The following ZNF385D variants were observed in gnomAD, a reference collection of about 807,000 sequenced individuals.
The protein encoded by ZNF385D is zinc finger protein 659.
A neutral mutation model predicts 35.8 loss-of-function variants in ZNF385D; 15 were observed. The ratio of observed to expected loss-of-function variants is 0.42; its 90% CI spans 0.28 to 0.64. ZNF385D has a LOEUF of 0.64. Ranked by LOEUF, ZNF385D falls within the 30% of genes least tolerant of loss-of-function variation. The pLI is 0.23. For missense variants in ZNF385D, 474 were observed against 494.6 expected (o/e 0.96, Z 0.39); for synonymous variants, 212 against 186.8 (o/e 1.13, Z -1.10).
intron 3 of ZNF385D, among the ~76,000 whole-genome samples, chr3:22,077,796 T>A (rs1700540985): frequency 6.6e-6 from 1 of 152,064 alleles, no homozygotes; most frequent in South Asian, 2.1e-4. Flanking sequence ...AAACAGAATG[T>A]CAGTCTAAAG....
intron 7 of ZNF385D, among the ~76,000 whole-genome samples, chr3:21,422,310 C>T (rs1331649929): frequency 6.6e-6 from 1 of 152,160 alleles, no homozygotes; most frequent in East Asian, 1.9e-4. Context: ...TTCTTCACCT[C>T]CCAATGCAGC....
intron 3 of ZNF385D, among the ~76,000 whole-genome samples, chr3:22,063,799 A>G (rs920149426): frequency 9.2e-5 from 14 of 152,116 alleles, no homozygotes; most frequent in African/African-American, 3.1e-4. Flanking sequence ...ATGTGGAGCT[A>G]TGTGTCCAGA....
chr3:21,822,725 T>C (rs1466764926), intron 3 of ZNF385D, among the ~76,000 whole-genome samples: 3 of 152,074 alleles, frequency 2.0e-5, no homozygotes, highest in Non-Finnish European at 4.4e-5. Context: ...GTGGAATACT[T>C]ATAGATTGGA....
At chr3:21,750,601 G>A (rs1402468608) in intron 1 of ZNF385D, among the ~76,000 whole-genome samples, 2 of 152,002 alleles carry the variant, frequency 1.3e-5, no homozygotes, top group Non-Finnish European at 2.9e-5. Context: ...CCTTCACCTA[G>A]CTAAAAGAGC....
At chr3:22,013,346 G>T (rs1696691040) in intron 3 of ZNF385D, among the ~76,000 whole-genome samples, 1 of 151,988 alleles carries the variant, frequency 6.6e-6, no homozygotes, top group Admixed American at 6.6e-5. Context: ...TTTTCACTTG[G>T]CAAGAATCCC....
At chr3:21,673,792 G>T (rs374918442) in intron 1 of ZNF385D, among the ~76,000 whole-genome samples, 14 of 152,210 alleles carry the variant, frequency 9.2e-5, no homozygotes, top group Admixed American at 2.6e-4. Flanking sequence ...CAGTCATAGG[G>T]CAAAGGAGTG....
chr3:22,107,613 AT>A (rs1193875596), intron 3 of ZNF385D, among the ~76,000 whole-genome samples: 1 of 152,112 alleles, frequency 6.6e-6, no homozygotes, highest in Non-Finnish European at 1.5e-5. Context: ...GAAACAATAT[AT>A]GCTTACTGCA....
At chr3:22,040,838 T>C (rs957989990) in intron 3 of ZNF385D, among the ~76,000 whole-genome samples, 17 of 152,136 alleles carry the variant, frequency 1.1e-4, no homozygotes, top group Non-Finnish European at 2.2e-4. Flanking sequence ...ACAAAGGCAA[T>C]AAATATCATG....
At chr3:22,093,555 G>A (rs891201401) in intron 3 of ZNF385D, among the ~76,000 whole-genome samples, 55 of 151,994 alleles carry the variant, frequency 3.6e-4, no homozygotes, top group African/African-American at 1.3e-3. Context: ...AGAGGTTCGA[G>A]GATTATGTGG....
At chr3:22,160,339 A>G (rs1299858331) in intron 3 of ZNF385D, among the ~76,000 whole-genome samples, 1 of 152,140 alleles carries the variant, frequency 6.6e-6, no homozygotes, top group Non-Finnish European at 1.5e-5. Flanking sequence ...GCAAGTTCTA[A>G]TTTGTCTACT....
intron 2 of ZNF385D, among the ~76,000 whole-genome samples, chr3:22,331,530 A>C (rs1694937127): frequency 6.6e-6 from 1 of 152,162 alleles, no homozygotes; most frequent in Non-Finnish European, 1.5e-5. Context: ...AAAACACTGC[A>C]TTTTTCATTA....
intron 3 of ZNF385D, among the ~76,000 whole-genome samples, chr3:22,097,289 G>C (rs542009598): frequency 1.3e-5 from 2 of 152,050 alleles, no homozygotes; most frequent in African/African-American, 4.8e-5. Context: ...ATACCTGGAG[G>C]TTTGATGCTT....
chr3:21,936,281 C>T (rs995594574), intron 3 of ZNF385D, among the ~76,000 whole-genome samples: 7 of 151,934 alleles, frequency 4.6e-5, no homozygotes, highest in Admixed American at 1.3e-4. Flanking sequence ...AAGATAAATG[C>T]GACTTTCAAC....
intron 3 of ZNF385D, among the ~76,000 whole-genome samples, chr3:21,975,424 G>C (rs1229647894): frequency 1.3e-5 from 2 of 151,824 alleles, no homozygotes; most frequent in African/African-American, 4.8e-5. Flanking sequence ...AGTGAGGATG[G>C]GAATAATTAA....
At chr3:22,166,612 T>C (rs907341063) in intron 3 of ZNF385D, among the ~76,000 whole-genome samples, 8 of 152,190 alleles carry the variant, frequency 5.3e-5, no homozygotes, top group Admixed American at 3.3e-4. Flanking sequence ...TAATAAAATG[T>C]ATATAAAGCC....
At chr3:22,153,418 A>G (rs986530693) in intron 3 of ZNF385D, among the ~76,000 whole-genome samples, 2 of 151,370 alleles carry the variant, frequency 1.3e-5, no homozygotes, top group South Asian at 4.2e-4. Context: ...TGCATTCACA[A>G]TGACCCCGTG....
chr3:21,949,620 A>G (rs1014185074), intron 3 of ZNF385D, among the ~76,000 whole-genome samples: 3 of 146,200 alleles, frequency 2.1e-5, no homozygotes, highest in Non-Finnish European at 3.0e-5. Context: ...GGTTTGTTAC[A>G]TAGGTATACA....
intron 2 of ZNF385D, among the ~76,000 whole-genome samples, chr3:22,195,787 G>A (rs1371244018): frequency 6.6e-6 from 1 of 151,946 alleles, no homozygotes; most frequent in African/African-American, 2.4e-5. Flanking sequence ...GCCTATCAAT[G>A]ATAGACTGGA....
intron 3 of ZNF385D, among the ~76,000 whole-genome samples, chr3:21,999,582 G>A (rs918302818): frequency 8.6e-5 from 13 of 151,982 alleles, no homozygotes; most frequent in African/African-American, 3.1e-4. Context: ...TTTCAAATAT[G>A]GTTCTACTTC....
Sources: gnomAD v4.1 joint callset for allele counts (sites outside exome capture counted in the v4.1 genomes callset) on GRCh38, gnomAD v4.1.1 for gene constraint, MANE v1.5 for transcripts, NCBI Gene and HGNC (gene_info 2026-07-23, HGNC 2026-07-21) for gene names.